Variants in GRIN2A observed in about 807,000 individuals in gnomAD.
The protein encoded by GRIN2A is glutamate ionotropic receptor NMDA type subunit 2A, also known as glutamate receptor ionotropic, NMDA 2A.
In GRIN2A, 22 loss-of-function variants were observed where a neutral mutation model predicts 113.4. The observed-to-expected ratio is 0.19, with a 90% CI of 0.14 to 0.28. GRIN2A has a LOEUF of 0.28. Among genes scored for constraint, GRIN2A ranks in the 10% least tolerant of loss-of-function variants. The pLI, the probability that GRIN2A is intolerant of heterozygous loss-of-function variation, is 1.00. For synonymous variants in GRIN2A, 827 were observed against 738.4 expected (o/e 1.12, Z -1.94); for missense variants, 1,502 against 1,887.0 (o/e 0.80, Z 3.78).
chr16:10,121,584 T>G (rs2352758), intron 2 of GRIN2A: 1 of 152,014 alleles, frequency 6.6e-6, no homozygotes, highest in Non-Finnish European at 1.5e-5. Context: ...TCTATTTTCA[T>G]AACACTAATG....
intron 2 of GRIN2A, among the ~76,000 whole-genome samples, chr16:10,005,666 T>C (rs577267844): frequency 6.6e-6 from 1 of 152,352 alleles, no homozygotes; most frequent in African/African-American, 2.4e-5. Flanking sequence ...CAGAATTTCA[T>C]GTAACATCTC....
intron 3 of GRIN2A, among the ~76,000 whole-genome samples, chr16:9,924,413 C>G (rs2044417161): frequency 6.6e-6 from 1 of 152,152 alleles, no homozygotes; most frequent in Admixed American, 6.5e-5. Context: ...CTTTTCTAAC[C>G]TGTATTGTTT....
intron 10 of GRIN2A, among the ~76,000 whole-genome samples, chr16:9,803,021 A>G (rs200351566): frequency 2.2e-4 from 15 of 68,644 alleles, no homozygotes; most frequent in Admixed American, 5.0e-4. Context: ...TGTTAAAAAG[A>G]AAAAAAAATC....
intron 10 of GRIN2A, among the ~76,000 whole-genome samples, chr16:9,817,294 C>T (rs1199043927): frequency 6.6e-6 from 1 of 152,270 alleles, no homozygotes. Context: ...CTCAAAATCA[C>T]GTGGTGTGGC....
At chr16:9,773,617 C>A (rs750569845) in intron 11 of GRIN2A, among the ~76,000 whole-genome samples, 1 of 152,178 alleles carries the variant, frequency 6.6e-6, no homozygotes, top group South Asian at 2.1e-4. Flanking sequence ...GTCTCCCCAC[C>A]GGAGAGGACT....
At chr16:10,099,072 T>C (rs769040857) in intron 2 of GRIN2A, among the ~76,000 whole-genome samples, 1 of 152,144 alleles carries the variant, frequency 6.6e-6, no homozygotes, top group Admixed American at 6.5e-5. Flanking sequence ...AAAAAACCAC[T>C]CATCTAGAGG....
chr16:9,955,392 G>C (rs796273606), intron 2 of GRIN2A, among the ~76,000 whole-genome samples: 3 of 151,966 alleles, frequency 2.0e-5, no homozygotes, highest in African/African-American at 7.2e-5. Context: ...TTCATTTCTA[G>C]ATCATCATTT....
chr16:10,115,213 C>A (rs1269178785), intron 2 of GRIN2A, among the ~76,000 whole-genome samples: 1 of 150,808 alleles, frequency 6.6e-6, no homozygotes, highest in East Asian at 2.0e-4. Flanking sequence ...GTTGACCACT[C>A]TTTTGCATGA....
intron 4 of GRIN2A, among the ~76,000 whole-genome samples, chr16:9,854,849 G>T (rs771720436): frequency 7.2e-5 from 11 of 152,136 alleles, no homozygotes; most frequent in Non-Finnish European, 1.6e-4. Context: ...CAGGAATAAG[G>T]TTTCAATGCA....
chr16:10,034,791 C>G (rs749214442), intron 2 of GRIN2A, among the ~76,000 whole-genome samples: 14 of 152,176 alleles, frequency 9.2e-5, no homozygotes, highest in Non-Finnish European at 1.9e-4. Context: ...TCAAGAACCA[C>G]TAGGACTTTG....
intron 2 of GRIN2A, among the ~76,000 whole-genome samples, chr16:10,103,617 T>C (rs551724198): frequency 6.6e-6 from 1 of 152,188 alleles, no homozygotes; most frequent in East Asian, 1.9e-4. Flanking sequence ...TCGCCAGAAG[T>C]CCTAATAACC....
chr16:10,057,791 C>T (rs1044836372), intron 2 of GRIN2A, among the ~76,000 whole-genome samples: 2 of 152,144 alleles, frequency 1.3e-5, no homozygotes, highest in Non-Finnish European at 2.9e-5. Context: ...GGATAAATGA[C>T]AGTTAAGTAA....
chr16:9,812,346 T>A (rs1279175491), intron 10 of GRIN2A, among the ~76,000 whole-genome samples: 1 of 152,182 alleles, frequency 6.6e-6, no homozygotes, highest in South Asian at 2.1e-4. Context: ...TAGTTAGAAA[T>A]GCCTCACTTA....
chr16:9,941,577 C>A (rs993500853), intron 2 of GRIN2A, among the ~76,000 whole-genome samples: 2 of 152,180 alleles, frequency 1.3e-5, no homozygotes, highest in East Asian at 3.9e-4. Flanking sequence ...CTATGCTGAT[C>A]CCCATTCGCA....
Position 9,877,297 on chromosome 16 carries a change from G to A in GRIN2A, c.1122+13689C>T, listed in dbSNP as rs1014480799. 1.8e-4 allele frequency among the ~76,000 whole-genome samples: 27 copies of A among 152,228 alleles called. 1 individual carries two copies. The highest frequency in any genetic ancestry group is 5.3e-4 in the African/African-American group (22 of 41,532). On this transcript the variant is annotated intron_variant, in intron 4 of 12. Transcript: ENST00000330684. ...CAACAAATGCTTACTATTTATTTAC[G>A]TCATATTCAGACAACTACTACAGTC...
At chr16:9,933,671 C>A (rs764499780) in intron 3 of GRIN2A, among the ~76,000 whole-genome samples, 1 of 152,278 alleles carries the variant, frequency 6.6e-6, no homozygotes, top group African/African-American at 2.4e-5. Context: ...GCTGGTAGAT[C>A]TAACACAGGC....
intron 2 of GRIN2A, among the ~76,000 whole-genome samples, chr16:10,040,221 T>C (rs2047135955): frequency 8.8e-6 from 1 of 114,222 alleles, no homozygotes; most frequent in Non-Finnish European, 1.8e-5. Flanking sequence ...ATCATGCAAA[T>C]ACACTACACA....
chr16:10,078,499 T>C (rs1437727645), intron 2 of GRIN2A, among the ~76,000 whole-genome samples: 1 of 151,494 alleles, frequency 6.6e-6, no homozygotes, highest in Non-Finnish European at 1.5e-5. Flanking sequence ...GGGAGGCAAA[T>C]TGAGATGCAG....
chr16:9,976,539 C>T, intron 2 of GRIN2A, among the ~76,000 whole-genome samples: 1 of 152,142 alleles, frequency 6.6e-6, no homozygotes, highest in East Asian at 1.9e-4. Context: ...GTTTGAAACC[C>T]AACAGAAAAC....
Sources: allele counts gnomAD v4.1 joint callset (sites outside exome capture counted in the v4.1 genomes callset), GRCh38; gene constraint gnomAD v4.1.1; transcripts MANE v1.5; gene names NCBI Gene and HGNC (gene_info 2026-07-23, HGNC 2026-07-21).